The following TRRAP variants were observed in gnomAD, a reference collection of about 807,000 sequenced individuals.
TRRAP encodes the protein transformation/transcription domain associated protein.
A neutral mutation model predicts 438.8 loss-of-function variants in TRRAP; 41 were observed. The observed-to-expected ratio is 0.09, with a 90% CI of 0.07 to 0.12. TRRAP has a LOEUF of 0.12. Ranked by LOEUF, TRRAP falls within the 10% of genes least tolerant of loss-of-function variation. TRRAP has a pLI of 1.00. For missense variants in TRRAP, 3,122 were observed against 5,055.1 expected (o/e 0.62, Z 11.60); for synonymous variants, 1,994 against 1,962.9 (o/e 1.02, Z -0.42).
At position 98,927,325 on chromosome 7, in the gene TRRAP, T is replaced by C; in HGVS notation, c.3134T>C (p.Leu1045Ser). Reference sequence around the variant, plus strand: ...AGCGCCCTGCCCTTTGTCGCCAGCTTGATCCGCCACTATACGATGGTGGCA... The same window carrying C: ...AGCGCCCTGCCCTTTGTCGCCAGCTCGATCCGCCACTATACGATGGTGGCA... ...RPSALPFVAS[L>S]IRHYTMVAVA... Residue 1045 changes from leucine (L) to serine (S), a missense_variant, in exon 23 of 73, where the codon TTG becomes TCG. Physicochemically the swap from Leu to Ser is moderately radical, Grantham distance 145. This residue lies in a region of TRRAP where 54 missense variants were observed against 74.6 expected (regional missense o/e 0.72). Transcript: ENST00000456197. 1 of 1,614,132 alleles carries C rather than the reference T, an allele frequency of 6.2e-7. No homozygotes were observed. Among genetic ancestry groups the C allele is most frequent in the East Asian group, 2.2e-5 (1 of 44,858 alleles).
chr7:98,969,188 CA>C (rs1281606048), intron 51 of TRRAP, among the ~76,000 whole-genome samples: 1 of 152,208 alleles, frequency 6.6e-6, no homozygotes, highest in African/African-American at 2.4e-5. Flanking sequence ...AAGCAGATAA[CA>C]ATACTCTTTC....
rs782008519 is a variant in TRRAP at position 98,910,517 on chromosome 7, G to C, written c.1722G>C (p.Gln574His). The C allele has an allele frequency of 6.2e-7, 1 of 1,613,950 alleles. No homozygotes were observed. The highest frequency in any genetic ancestry group is 1.1e-5 in the South Asian group (1 of 91,050). ...ITSCKAPGEA[Q>H]FIPNKQLQPK... ...ATACTTTCTCTTTTCCAGAAGCTCA[G>C]TTCATTCCCAACAAGCAGTTACAAC... Residue 574 changes from glutamine to histidine, a missense_variant, in exon 16 of 73, where the codon CAG (glutamine) becomes CAC (histidine). This residue lies in a region of TRRAP where 149 missense variants were observed against 302.8 expected (regional missense o/e 0.49). Coordinates refer to ENST00000456197, the MANE Select transcript of TRRAP (RefSeq NM_001375524.1).
At chr7:98,913,634 T>G (rs562546847) in intron 18 of TRRAP, among the ~76,000 whole-genome samples, 4 of 152,202 alleles carry the variant, frequency 2.6e-5, no homozygotes, top group Non-Finnish European at 5.9e-5. Flanking sequence ...CTTGGCAATA[T>G]GTAAATGACA....
chr7:98,958,826 T>C (rs1791747616), intron 44 of TRRAP, among the ~76,000 whole-genome samples: 1 of 152,194 alleles, frequency 6.6e-6, no homozygotes, highest in African/African-American at 2.4e-5. Flanking sequence ...TTAGCAGTTT[T>C]AGTGCTTTGA....
intron 3 of TRRAP, among the ~76,000 whole-genome samples, chr7:98,883,901 C>T (rs1554403550): frequency 6.6e-6 from 1 of 152,148 alleles, no homozygotes; most frequent in South Asian, 2.1e-4. Flanking sequence ...GGAAGAATGT[C>T]GACGTTTTGT....
intron 38 of TRRAP, 111 bp downstream of exon 38, chr7:98,950,373 T>C (rs1791280060): frequency 1.6e-6 from 2 of 1,264,350 alleles, no homozygotes; most frequent in African/African-American, 1.5e-5. Context: ...AATAGTAGAG[T>C]GAGCCAGGTG....
In TRRAP at chr7:99,012,251, G is replaced by T. The variant is rs1390624648; in HGVS notation, c.11518G>T (p.Ala3840Ser). 1.2e-6 allele frequency: 2 copies of T among 1,614,002 alleles called. No individual in the cohort carries two copies. Among genetic ancestry groups the T allele is most frequent in the Admixed American group, 1.7e-5 (1 of 60,010 alleles). The change falls in exon 73 of 73, where the codon GCC becomes TCC. Residue 3840 changes from alanine to serine, a missense_variant. Physicochemically the swap from Ala to Ser is moderately conservative, Grantham distance 99. Around this residue, in one of 24 missense-constraint regions of TRRAP, gnomAD observed 192 missense variants for 355.6 expected, o/e 0.54. Transcript: ENST00000456197. The surrounding 1 kb of genome is among the most constrained non-coding windows in gnomAD (Gnocchi z 5.9). ...TAIMTRLHNL[A>S]QFEGGESKVN... ...CATCATGACCCGCCTGCACAACCTC[G>T]CCCAGTTCGAAGGCGGGGAAAGCAA...
At chr7:98,903,539 T>A (rs1554407054) in intron 12 of TRRAP, 22 bp downstream of exon 12, 1 of 1,613,696 alleles carries the variant, frequency 6.2e-7, no homozygotes, top group Admixed American at 1.7e-5. Context: ...CTGTCTTGTC[T>A]TGAATGCTGA....
chr7:98,962,178 C>T (rs1308593158), intron 46 of TRRAP, 124 bp from the exon 47 acceptor site: 2 of 1,441,346 alleles, frequency 1.4e-6, no homozygotes, highest in Non-Finnish European at 1.9e-6. Flanking sequence ...CACTGTCCTG[C>T]AGGGAGAGAA....
Position 98,929,226 on chromosome 7 carries a change from C to T in TRRAP, c.3176-763C>T, listed in dbSNP as rs575954182. Among the ~76,000 whole-genome samples the T allele has an allele frequency of 1.5e-4, 23 of 152,228 alleles. No individual in the cohort carries two copies. The South Asian group carries it at 4.8e-3, about 32-fold the overall frequency. ...AAGTGCTGGGATAACAGGTGTGAGC[C>T]ACCACACCCAGCCCACGCCCAGCTA... On this transcript the variant is annotated intron_variant, in intron 23 of 72. Coordinates refer to ENST00000456197, the MANE Select transcript of TRRAP (RefSeq NM_001375524.1).
In TRRAP at chr7:98,948,482, G is replaced by A; in HGVS notation, c.4669-84G>A. 1.9e-6 allele frequency: 3 copies of A among 1,611,790 alleles called. No homozygotes were observed. Among genetic ancestry groups the A allele is most frequent in the South Asian group, 1.1e-5 (1 of 90,956 alleles). ...TGCTTGTGGGTGTTCATGCACTCCA[G>A]TAACAAGGGACCTTGTTAGGTAGAC... On this transcript the variant is annotated intron_variant, in intron 34 of 72. Transcript: ENST00000456197. The surrounding 1 kb of genome is among the most constrained non-coding windows in gnomAD (Gnocchi z 4.9).
intron 67 of TRRAP, among the ~76,000 whole-genome samples, chr7:99,002,361 G>C (rs1365959058): frequency 6.6e-6 from 1 of 152,192 alleles, no homozygotes; most frequent in East Asian, 1.9e-4. Context: ...TTTTGGTGTT[G>C]GCATCGCACT....
rs1222012302 is a variant in TRRAP, at chr7:98,956,596, C to T, written c.6231+63C>T. On this transcript the variant is annotated intron_variant, in intron 43 of 72. Transcript: ENST00000456197. The surrounding 1 kb of genome is among the most constrained non-coding windows in gnomAD (Gnocchi z 4.5). ...TGCTGGGAGTTGGTTCGTTTATTCCCTATATTTAGAATGTGAGCTCGGTGC... is the reference window on the plus strand; with the variant it reads ...TGCTGGGAGTTGGTTCGTTTATTCCTTATATTTAGAATGTGAGCTCGGTGC... The T allele has an allele frequency of 3.2e-6, 5 of 1,561,734 alleles. No homozygotes were observed. The East Asian group carries it at 1.1e-4, about 35-fold the overall frequency.
chr7:99,010,577 C>T (rs1794384189), intron 70 of TRRAP, among the ~76,000 whole-genome samples: 1 of 152,070 alleles, frequency 6.6e-6, no homozygotes, highest in African/African-American at 2.4e-5. Context: ...CTGCAGTAGT[C>T]TATGAGTCTC....
chr7:98,898,775 C>T (rs1253919552), intron 8 of TRRAP, among the ~76,000 whole-genome samples: 1 of 152,106 alleles, frequency 6.6e-6, no homozygotes, highest in African/African-American at 2.4e-5. Flanking sequence ...GTACTTTGTG[C>T]TGTTCTTTTA....
intron 29 of TRRAP, 114 bp downstream of exon 29, chr7:98,937,391 G>A: frequency 7.0e-7 from 1 of 1,419,624 alleles, no homozygotes. Context: ...TGCCTAAAAG[G>A]CTTTATGCAT....
At chr7:98,998,915 A>AG (rs1793793878) in intron 67 of TRRAP, 1 of 485,620 alleles carries the variant, frequency 2.1e-6, no homozygotes, top group African/African-American at 1.9e-5. Context: ...GCCCCATGGT[A>AG]GGTCAGTCTG....
At chr7:98,881,272 T>C (rs1177294695) in intron 2 of TRRAP, 22 bp downstream of exon 2, 3 of 1,576,908 alleles carry the variant, frequency 1.9e-6, no homozygotes, top group African/African-American at 2.7e-5. Flanking sequence ...CTTTTTATCA[T>C]TAAGAAATGC....
intron 12 of TRRAP, among the ~76,000 whole-genome samples, chr7:98,904,895 C>T (rs1554407269): frequency 6.6e-6 from 1 of 152,206 alleles, no homozygotes; most frequent in East Asian, 1.9e-4. Context: ...CTTCCACCAA[C>T]ATTTTCTCTT....
Sources: gnomAD v4.1 joint callset for allele counts (sites outside exome capture counted in the v4.1 genomes callset) on GRCh38, gnomAD v4.1.1 for gene constraint, gnomAD v4.1.1 regional missense constraint, Gnocchi (gnomAD v3.1) non-coding constraint, MANE v1.5 for transcripts, NCBI Gene and HGNC (gene_info 2026-07-23, HGNC 2026-07-21) for gene names.